WWC2: variants seen among roughly 807,000 people sequenced by gnomAD.
The protein encoded by WWC2 is protein WWC2.
WWC2 carries 101 observed loss-of-function variants against 138.5 expected under a neutral mutation model. The ratio of observed to expected loss-of-function variants is 0.73; its 90% CI spans 0.62 to 0.86. The LOEUF is 0.86. Among genes scored for constraint, WWC2 ranks in the 40% least tolerant of loss-of-function variants. The probability of loss-of-function intolerance (pLI) is 0.00; values close to 1 mark genes in which losing one functional copy is unlikely to be tolerated. For synonymous variants in WWC2, 558 were observed against 538.4 expected (o/e 1.04, Z -0.50); for missense variants, 1,420 against 1,419.4 (o/e 1.00, Z -0.01).
At chr4:183,197,125 A>G (rs1237066990) in intron 2 of WWC2, among the ~76,000 whole-genome samples, 1 of 152,204 alleles carries the variant, frequency 6.6e-6, no homozygotes, top group Non-Finnish European at 1.5e-5. Flanking sequence ...TAAAGGAATT[A>G]AAGTACATTT....
At chr4:183,199,530 C>G (rs1735246178) in intron 2 of WWC2, among the ~76,000 whole-genome samples, 1 of 152,068 alleles carries the variant, frequency 6.6e-6, no homozygotes, top group Admixed American at 6.5e-5. Flanking sequence ...TTTCCAAACC[C>G]TGTAGTAGAT....
chr4:183,221,273 T>C lies in WWC2; in HGVS notation c.522+12248T>C, dbSNP rs566362862. Reference sequence around the variant, plus strand: ...GAATCTTAAAGATGTATGCACATGCTAACAGAGCTTCAAATACCTGGAATA... The same window carrying C: ...GAATCTTAAAGATGTATGCACATGCCAACAGAGCTTCAAATACCTGGAATA... On this transcript the variant is annotated intron_variant, in intron 4 of 22. Coordinates refer to ENST00000403733, the MANE Select transcript of WWC2 (RefSeq NM_024949.6). Among the ~76,000 whole-genome samples the C allele has an allele frequency of 4.0e-3, 607 of 152,334 alleles. 8 individuals carry two copies. Among genetic ancestry groups the C allele is most frequent in the South Asian group, 0.028 (135 of 4,828 alleles).
In WWC2 at chr4:183,227,835, A is replaced by T. The variant is rs182884842; in HGVS notation, c.523-12348A>T. Among the ~76,000 whole-genome samples, 329 of 152,166 alleles carry T rather than the reference A, an allele frequency of 2.2e-3. 9 individuals are homozygous for T. The highest frequency in any genetic ancestry group is 7.7e-3 in the African/African-American group (319 of 41,432). ...ATATAGGTGAAATAAAGACATTTTC[A>T]GACAAAATTTGAGAGTAATGTATGG... On this transcript the variant is annotated intron_variant, in intron 4 of 22. Transcript: ENST00000403733.
Position 183,261,314 on chromosome 4 carries a change from TG to T in WWC2, c.1693del (p.Glu565LysfsTer26). The T allele has an allele frequency of 6.2e-7, 1 of 1,613,682 alleles. No homozygotes were observed. Among genetic ancestry groups the T allele is most frequent in the Non-Finnish European group, 8.5e-7 (1 of 1,179,796 alleles). On this transcript the variant is annotated frameshift_variant, in exon 11 of 23. Coordinates refer to ENST00000403733, the MANE Select transcript of WWC2 (RefSeq NM_024949.6). LOFTEE classifies it high-confidence loss of function. ...SLSPPGSPLV[L>X]EGTFPMSSSH... Reference sequence around the variant, plus strand: ...TCTCCTCCAGGCTCTCCCTTGGTTTTGGAAGGCACGTTTCCCATGTCTTCTT... The same window carrying T: ...TCTCCTCCAGGCTCTCCCTTGGTTTTGAAGGCACGTTTCCCATGTCTTCTT...
At chr4:183,223,897 A>C (rs1283053099) in intron 4 of WWC2, among the ~76,000 whole-genome samples, 1 of 151,880 alleles carries the variant, frequency 6.6e-6, no homozygotes, top group Non-Finnish European at 1.5e-5. Context: ...TGCCCAGCTA[A>C]TTTTTGTGTT....
intron 11 of WWC2, among the ~76,000 whole-genome samples, chr4:183,263,807 CA>C (rs1737410818): frequency 6.6e-6 from 1 of 152,114 alleles, no homozygotes; most frequent in East Asian, 1.9e-4. Context: ...CACTTTTTTT[CA>C]GGGGACGTCT....
At chr4:183,227,018 C>T (rs1394169600) in intron 4 of WWC2, among the ~76,000 whole-genome samples, 1 of 151,876 alleles carries the variant, frequency 6.6e-6, no homozygotes, top group African/African-American at 2.4e-5. Context: ...GTGACAGACC[C>T]CAGCTGCATC....
At chr4:183,197,010 C>A (rs2111218295) in intron 2 of WWC2, among the ~76,000 whole-genome samples, 1 of 152,266 alleles carries the variant, frequency 6.6e-6, no homozygotes, top group South Asian at 2.1e-4. Context: ...ATGACTGCAT[C>A]TTTTATGTTT....
At chr4:183,106,715 G>A (rs1743372757) in intron 1 of WWC2, among the ~76,000 whole-genome samples, 1 of 151,998 alleles carries the variant, frequency 6.6e-6, no homozygotes, top group South Asian at 2.1e-4. Flanking sequence ...TTTTTTCTTA[G>A]TGTAATGCAT....
chr4:183,199,326 G>A (rs1735238487), intron 2 of WWC2, among the ~76,000 whole-genome samples: 1 of 152,136 alleles, frequency 6.6e-6, no homozygotes, highest in Admixed American at 6.5e-5. Flanking sequence ...CTGTTCCACG[G>A]AACTGTACTC....
Position 183,267,983 on chromosome 4 carries a change from C to T in WWC2, c.2208-988C>T, listed in dbSNP as rs187289957. 3.3e-3 allele frequency among the ~76,000 whole-genome samples: 507 copies of T among 152,244 alleles called. 4 individuals carry two copies. Among genetic ancestry groups the T allele is most frequent in the Middle Eastern group, 0.014 (4 of 294 alleles). ...AAAAGATTTTCTTCTGCTGAATCTT[C>T]GGCCTCCCAGGGACAGTGAGCTGTG... On this transcript the variant is annotated intron_variant, in intron 14 of 22. Transcript: ENST00000403733.
At position 183,261,153 on chromosome 4, in the gene WWC2, G is replaced by A. The variant is rs1194380806; in HGVS notation, c.1530G>A (p.Val510=). ...GPITTIHENE[V]VKSPSQPGQS... ...TCACCACCATCCATGAAAACGAGGTGGTCAAGTCCCCTAGCCAGCCTGGCC... is the reference window on the plus strand; with the variant it reads ...TCACCACCATCCATGAAAACGAGGTAGTCAAGTCCCCTAGCCAGCCTGGCC... The change falls in exon 11 of 23, where the codon GTG becomes GTA. Residue 510 remains valine, a synonymous_variant. Transcript: ENST00000403733. 6.2e-7 allele frequency: 1 copy of A among 1,613,880 alleles called. No homozygotes were observed. Among genetic ancestry groups the A allele is most frequent in the Non-Finnish European group, 8.5e-7 (1 of 1,179,844 alleles).
At position 183,220,233 on chromosome 4, in the gene WWC2, C is replaced by A. The variant is rs561890320; in HGVS notation, c.522+11208C>A. Among the ~76,000 whole-genome samples, 10 of 152,238 alleles carry A rather than the reference C, an allele frequency of 6.6e-5. No homozygotes were observed. The South Asian group carries it at 1.9e-3, about 28-fold the overall frequency. On this transcript the variant is annotated intron_variant, in intron 4 of 22. Coordinates refer to ENST00000403733, the MANE Select transcript of WWC2 (RefSeq NM_024949.6). ...AGATGACAACTCAGCCTGGCTAACA[C>A]CCTGATTTCAGCTTTGTGATAATTT...
chr4:183,142,798 G>GT (rs1933317932), intron 1 of WWC2, among the ~76,000 whole-genome samples: 1 of 152,206 alleles, frequency 6.6e-6, no homozygotes, highest in South Asian at 2.1e-4. Context: ...GCAGGCTAAT[G>GT]TTACCCAAGG....
At chr4:183,208,702 G>A (rs1008406675) in intron 3 of WWC2, among the ~76,000 whole-genome samples, 2 of 152,128 alleles carry the variant, frequency 1.3e-5, no homozygotes, top group Non-Finnish European at 2.9e-5. Context: ...GACATAGTGT[G>A]TATAAAATCC....
intron 1 of WWC2, among the ~76,000 whole-genome samples, chr4:183,174,044 C>T (rs986699677): frequency 5.3e-5 from 8 of 152,256 alleles, no homozygotes; most frequent in South Asian, 2.1e-4. Context: ...CCCTCCAATT[C>T]TTCGGCCTGA....
At chr4:183,147,785 A>G (rs761367935) in intron 1 of WWC2, among the ~76,000 whole-genome samples, 18 of 152,242 alleles carry the variant, frequency 1.2e-4, no homozygotes, top group Non-Finnish European at 2.1e-4. Context: ...GTGTTTTGAA[A>G]TGCCATAAAG....
At chr4:183,172,556 G>GTTTTTTTTTTT (rs61599876) in intron 1 of WWC2, among the ~76,000 whole-genome samples, 21 of 113,014 alleles carry the variant, frequency 1.9e-4, no homozygotes, top group East Asian at 2.7e-4. Context: ...TATGTTTCTT[G>GTTTTTTTTTTT]TTTTTTTTTT....
Position 183,320,170 on chromosome 4 carries a change from A to G in WWC2, c.*4441A>G, listed in dbSNP as rs752358732. On this transcript the variant is annotated 3_prime_UTR_variant, in exon 23 of 23. Coordinates refer to ENST00000403733, the MANE Select transcript of WWC2 (RefSeq NM_024949.6). ...CAGGATAAAACCCATCCCAGCAAAG[A>G]TAATGAAACTCCAGCTAGTTGAGCT... 6.8e-6 allele frequency: 11 copies of G among 1,614,162 alleles called. No homozygotes were observed. Among genetic ancestry groups the G allele is most frequent in the Non-Finnish European group, 9.3e-6 (11 of 1,180,022 alleles).
Sources: allele counts gnomAD v4.1 joint callset (sites outside exome capture counted in the v4.1 genomes callset), GRCh38; gene constraint gnomAD v4.1.1; transcripts MANE v1.5; gene names NCBI Gene and HGNC (gene_info 2026-07-23, HGNC 2026-07-21).